The following BIVM variants were observed in gnomAD, a reference collection of about 807,000 sequenced individuals.
BIVM encodes the protein basic immunoglobulin-like variable motif-containing protein.
A neutral mutation model predicts 61.4 loss-of-function variants in BIVM; 31 were observed. The ratio of observed to expected loss-of-function variants is 0.51; its 90% CI spans 0.38 to 0.68. BIVM has a LOEUF of 0.68. Among genes scored for constraint, BIVM ranks in the 30% least tolerant of loss-of-function variants. BIVM has a pLI of 0.00. For synonymous variants in BIVM, 189 were observed against 210.7 expected, an observed-to-expected ratio of 0.90 and a Z score of 0.89; for missense variants, 526 against 596.0, an observed-to-expected ratio of 0.88 and a Z score of 1.22.
At chr13:102,826,327 T>G (rs930167145) in intron 7 of BIVM, among the ~76,000 whole-genome samples, 1 of 152,206 alleles carries the variant, frequency 6.6e-6, no homozygotes, top group African/African-American at 2.4e-5. Flanking sequence ...TGCGTCCTCC[T>G]TCTGTCTTCT....
At chr13:102,804,097 GC>G (rs1409659657) in intron 1 of BIVM, among the ~76,000 whole-genome samples, 4 of 152,184 alleles carry the variant, frequency 2.6e-5, no homozygotes, top group African/African-American at 9.7e-5. Flanking sequence ...TGACCCTCTT[GC>G]AAACAACTAT....
chr13:102,821,228 A>C, intron 5 of BIVM, 96 bp downstream of exon 5: 2 of 1,050,036 alleles, frequency 1.9e-6, no homozygotes. Context: ...ATTTTTTATA[A>C]ATTTAACAAA....
chr13:102,826,320 G>A (rs1005618476), intron 7 of BIVM, among the ~76,000 whole-genome samples: 3 of 152,130 alleles, frequency 2.0e-5, no homozygotes, highest in Non-Finnish European at 2.9e-5. Flanking sequence ...AACCCAGTGC[G>A]TCCTCCTTCT....
At chr13:102,811,668 C>T (rs1048949954) in intron 3 of BIVM, among the ~76,000 whole-genome samples, 4 of 152,178 alleles carry the variant, frequency 2.6e-5, no homozygotes, top group Admixed American at 1.3e-4. Context: ...GGATTACAGG[C>T]GTGCGCCACC....
intron 3 of BIVM, among the ~76,000 whole-genome samples, chr13:102,809,284 A>G (rs973715744): frequency 2.0e-5 from 3 of 152,148 alleles, no homozygotes; most frequent in Non-Finnish European, 2.9e-5. Context: ...TATTACTTAG[A>G]TGTATGCTGT....
intron 8 of BIVM, among the ~76,000 whole-genome samples, chr13:102,833,209 G>A (rs1353572657): frequency 1.3e-5 from 2 of 151,760 alleles, no homozygotes; most frequent in Non-Finnish European, 2.9e-5. Flanking sequence ...ACTCCAGCCT[G>A]GGCAACAGAG....
At chr13:102,829,497 C>G (rs1880909323) in intron 7 of BIVM, among the ~76,000 whole-genome samples, 1 of 152,158 alleles carries the variant, frequency 6.6e-6, no homozygotes, top group South Asian at 2.1e-4. Flanking sequence ...TTTGTGTCTT[C>G]TCATACACAG....
At chr13:102,835,880 T>G (rs1339278272) in intron 9 of BIVM, among the ~76,000 whole-genome samples, 1 of 152,258 alleles carries the variant, frequency 6.6e-6, no homozygotes, top group Non-Finnish European at 1.5e-5. Flanking sequence ...TCATACAGTA[T>G]GTAGCATTTT....
intron 7 of BIVM, among the ~76,000 whole-genome samples, chr13:102,825,664 A>G (rs1046116284): frequency 1.3e-5 from 2 of 152,244 alleles, no homozygotes; most frequent in African/African-American, 2.4e-5. Flanking sequence ...CCTTAGGCCT[A>G]TGTGCCTCAC....
Position 102,830,455 on chromosome 13 carries a change from CAGTTAATGGCTTT to C in BIVM, c.902-1109_902-1097del, listed in dbSNP as rs1459590364. Among the ~76,000 whole-genome samples, 26 of 152,314 alleles carry C rather than the reference CAGTTAATGGCTTT, an allele frequency of 1.7e-4. 1 individual carries two copies. Among genetic ancestry groups the C allele is most frequent in the Admixed American group, 1.6e-3 (24 of 15,306 alleles). On this transcript the variant is annotated intron_variant, in intron 7 of 10. Coordinates refer to ENST00000257336, the MANE Select transcript of BIVM (RefSeq NM_017693.4). ...TAGGACATGCCAGTTAATGAAACCT[CAGTTAATGGCTTT>C]GAGTACTAAGTGCTGGTGAAAAGTC...
intron 7 of BIVM, 114 bp downstream of exon 7, chr13:102,822,273 T>C: frequency 1.0e-6 from 1 of 970,858 alleles, no homozygotes; most frequent in East Asian, 2.6e-5. Context: ...TCCTGGGACA[T>C]TATGTAAACC....
chr13:102,818,040 T>C (rs944459059), intron 4 of BIVM, among the ~76,000 whole-genome samples: 1 of 152,182 alleles, frequency 6.6e-6, no homozygotes, highest in African/African-American at 2.4e-5. Context: ...GTGATGGGTA[T>C]GAATCACTAA....
intron 3 of BIVM, among the ~76,000 whole-genome samples, chr13:102,814,669 A>G (rs768160510): frequency 2.0e-5 from 3 of 152,218 alleles, no homozygotes; most frequent in Non-Finnish European, 4.4e-5. Context: ...ATTTGGCACA[A>G]TGAGATTTGG....
At chr13:102,810,008 C>T (rs568830209) in intron 3 of BIVM, among the ~76,000 whole-genome samples, 18 of 152,190 alleles carry the variant, frequency 1.2e-4, no homozygotes, top group Non-Finnish European at 2.5e-4. Context: ...CTCCTGACCT[C>T]GTGATCCGCC....
chr13:102,808,466 T>C (rs1477664770), intron 3 of BIVM, among the ~76,000 whole-genome samples: 2 of 152,218 alleles, frequency 1.3e-5, no homozygotes, highest in African/African-American at 2.4e-5. Flanking sequence ...TATTTACTTC[T>C]AGTCTTCTCT....
At chr13:102,833,001 G>A (rs1881198820) in intron 8 of BIVM, among the ~76,000 whole-genome samples, 1 of 152,076 alleles carries the variant, frequency 6.6e-6, no homozygotes, top group African/African-American at 2.4e-5. Flanking sequence ...GTGCAGTGGT[G>A]TAATCCCAGC....
Position 102,840,179 on chromosome 13 carries a change from C to A in BIVM, c.*314C>A, listed in dbSNP as rs749988336. The A allele has an allele frequency of 2.3e-5, 5 of 220,906 alleles. No homozygotes were observed. Among genetic ancestry groups the A allele is most frequent in the Admixed American group, 1.6e-4 (3 of 18,458 alleles). The allele number at this position is 220,906 out of a possible 1,614,324, so 13.7% of individuals were successfully genotyped here. A position where few individuals can be genotyped will look rare whatever the true frequency, so the allele number is the denominator to read the frequency against. ...GAAACACAAATTCACTTAATAGCAT[C>A]AAGATTTGAAATACTTAAGCATGAA... On this transcript the variant is annotated 3_prime_UTR_variant, in exon 11 of 11. Transcript: ENST00000257336.
At chr13:102,833,383 A>G (rs1881254782) in intron 8 of BIVM, among the ~76,000 whole-genome samples, 1 of 119,514 alleles carries the variant, frequency 8.4e-6, no homozygotes, top group Non-Finnish European at 1.7e-5. Context: ...ACTGGAGTGC[A>G]GTGGTGAGAT....
chr13:102,802,639 T>G (rs969664475), intron 1 of BIVM, among the ~76,000 whole-genome samples: 10 of 152,164 alleles, frequency 6.6e-5, no homozygotes, highest in Non-Finnish European at 1.3e-4. Flanking sequence ...CATTTTTTTT[T>G]TGCTAAAACT....
Sources: allele counts gnomAD v4.1 joint callset (sites outside exome capture counted in the v4.1 genomes callset), GRCh38; gene constraint gnomAD v4.1.1; transcripts MANE v1.5; gene names NCBI Gene and HGNC (gene_info 2026-07-23, HGNC 2026-07-21).